SLC9C1: variants seen among roughly 807,000 people sequenced by gnomAD.
The protein encoded by SLC9C1 is sodium/hydrogen exchanger 10.
SLC9C1 carries 97 observed loss-of-function variants against 140.9 expected under a neutral mutation model. The observed-to-expected ratio is 0.69, with a 90% confidence interval of 0.58 to 0.82. The LOEUF is 0.82. Among genes scored for constraint, SLC9C1 ranks in the 40% least tolerant of loss-of-function variants. SLC9C1 has a pLI of 0.00. For synonymous variants in SLC9C1, 440 were observed against 442.6 expected (o/e 0.99, Z 0.07); for missense variants, 1,340 against 1,389.3 (o/e 0.96, Z 0.56).
chr3:112,235,539 C>A (rs2078959932), intron 12 of SLC9C1, among the ~76,000 whole-genome samples: 1 of 150,314 alleles, frequency 6.7e-6, no homozygotes, highest in Non-Finnish European at 1.5e-5. Context: ...GAGAGGGCAT[C>A]TCTGTCTTGT....
chr3:112,168,322 T>TACAC (rs56965031), intron 25 of SLC9C1, among the ~76,000 whole-genome samples: 449 of 133,820 alleles, frequency 3.4e-3, no homozygotes, highest in Middle Eastern at 7.4e-3. Flanking sequence ...CACAAAACAA[T>TACAC]ACACACACAC....
At chr3:112,159,872 A>C (rs2075240788) in intron 26 of SLC9C1, among the ~76,000 whole-genome samples, 1 of 152,002 alleles carries the variant, frequency 6.6e-6, no homozygotes, top group East Asian at 1.9e-4. Flanking sequence ...ATCTGATATA[A>C]GTTTAGCTAC....
At chr3:112,193,070 T>A (rs2077696866) in intron 20 of SLC9C1, among the ~76,000 whole-genome samples, 2 of 151,952 alleles carry the variant, frequency 1.3e-5, no homozygotes, top group South Asian at 4.2e-4. Flanking sequence ...AGTAGTGTAG[T>A]CTCCATGTAG....
At chr3:112,267,456 G>A (rs2079950773) in intron 7 of SLC9C1, among the ~76,000 whole-genome samples, 2 of 151,022 alleles carry the variant, frequency 1.3e-5, no homozygotes, top group Non-Finnish European at 3.0e-5. Flanking sequence ...GGCACCTGTA[G>A]TCCCAGTTAC....
In SLC9C1 at chr3:112,202,290, G is replaced by A. The variant is rs559624530; in HGVS notation, c.2282C>T (p.Thr761Ile). 7 of 1,611,284 alleles carry A rather than the reference G, an allele frequency of 4.3e-6. No homozygotes were observed. The highest frequency in any genetic ancestry group is 4.0e-5 in the African/African-American group (3 of 74,872). The part of the protein sequence containing the change: ...GYVQGEADIM[T>I]IIDQITSSKQ... ...AGAACTTGTAATCTGATCAATTATG[G>A]TCATTATGTCTGCTTCGCCTTGGAC... The change falls in exon 18 of 29, where the codon ACC becomes ATC. Residue 761 changes from threonine (T) to isoleucine (I), a missense_variant. Thr to Ile is a moderately conservative substitution (Grantham distance 89, BLOSUM62 -1). Transcript: ENST00000305815.
chr3:112,270,373 GT>G (rs2080038368), intron 6 of SLC9C1, among the ~76,000 whole-genome samples: 1 of 152,132 alleles, frequency 6.6e-6, no homozygotes, highest in African/African-American at 2.4e-5. Context: ...GTGTACAAGA[GT>G]TTCCTTTTCT....
At chr3:112,161,156 G>C (rs1039412979) in intron 26 of SLC9C1, among the ~76,000 whole-genome samples, 2 of 152,150 alleles carry the variant, frequency 1.3e-5, no homozygotes, top group South Asian at 4.1e-4. Flanking sequence ...GTTCATTGTA[G>C]ATTCTGGATA....
Position 112,185,608 on chromosome 3 carries a change from C to T in SLC9C1, c.2524-3350G>A, listed in dbSNP as rs992883005. On this transcript the variant is annotated intron_variant, in intron 20 of 28. Transcript: ENST00000305815. ...GGTCCCAGGGCTCGCCCGAAGCCCT[C>T]TCTCCCAAGGGGCAGGCTCCTGACC... The T allele has an allele frequency of 3.1e-6, 5 of 1,596,202 alleles. No homozygotes were observed. In the East Asian group the frequency reaches 1.1e-4, roughly 36 times the overall value.
At chr3:112,244,304 G>T (rs922182888) in intron 10 of SLC9C1, among the ~76,000 whole-genome samples, 2 of 152,140 alleles carry the variant, frequency 1.3e-5, no homozygotes, top group African/African-American at 4.8e-5. Flanking sequence ...CCGAAATTAG[G>T]ACACAAGTTT....
rs781166825 is a variant in SLC9C1 at position 112,180,682 on chromosome 3, A to G, written c.2650-20T>C. 1.5e-5 allele frequency: 23 copies of G among 1,553,212 alleles called. No individual in the cohort carries two copies. The Admixed American group carries it at 3.7e-4, about 25-fold the overall frequency. On this transcript the variant is annotated intron_variant, in intron 21 of 28. Coordinates refer to ENST00000305815, the MANE Select transcript of SLC9C1 (RefSeq NM_183061.3). ...TTTTTCCTAAAAGATACCACCAAAT[A>G]CATAAACTATAAACAACATTTTAGA...
intron 10 of SLC9C1, among the ~76,000 whole-genome samples, chr3:112,262,468 C>G (rs967171462): frequency 6.6e-6 from 1 of 151,584 alleles, no homozygotes; most frequent in African/African-American, 2.4e-5. Context: ...CTTGCCCAGA[C>G]ACATGGTAGA....
intron 17 of SLC9C1, 67 bp from the exon 18 acceptor site, chr3:112,202,466 T>C: frequency 2.1e-6 from 3 of 1,429,262 alleles, no homozygotes; most frequent in Non-Finnish European, 2.8e-6. Context: ...GTTGATTAGT[T>C]TAATCAAAAT....
intron 11 of SLC9C1, among the ~76,000 whole-genome samples, chr3:112,241,342 A>G (rs2079133679): frequency 9.2e-6 from 1 of 109,046 alleles, no homozygotes; most frequent in Non-Finnish European, 2.1e-5. Context: ...AATAAAAAAG[A>G]AGAAAATAGC....
intron 12 of SLC9C1, among the ~76,000 whole-genome samples, chr3:112,239,338 C>T (rs902928253): frequency 1.3e-5 from 2 of 152,204 alleles, no homozygotes; most frequent in East Asian, 1.9e-4. Context: ...ACCCAATTTT[C>T]GAGGTGCCAT....
At chr3:112,261,242 A>T (rs1576469498) in intron 10 of SLC9C1, among the ~76,000 whole-genome samples, 1 of 152,140 alleles carries the variant, frequency 6.6e-6, no homozygotes, top group East Asian at 1.9e-4. Context: ...ATCATAGTAA[A>T]GACTAGAATT....
intron 16 of SLC9C1, among the ~76,000 whole-genome samples, chr3:112,207,615 C>G (rs1191022005): frequency 6.6e-6 from 1 of 152,140 alleles, no homozygotes; most frequent in African/African-American, 2.4e-5. Context: ...CTTAATGTGT[C>G]ATGGTGTTGT....
At chr3:112,275,296 A>G (rs1401395291) in intron 5 of SLC9C1, among the ~76,000 whole-genome samples, 1 of 152,192 alleles carries the variant, frequency 6.6e-6, no homozygotes, top group Non-Finnish European at 1.5e-5. Context: ...GTTGTTCTAT[A>G]TAAATACATG....
chr3:112,271,344 A>G lies in SLC9C1; in HGVS notation c.614-1267T>C, dbSNP rs983081949. Reference sequence around the variant, plus strand: ...TTCAAATCTCTCATCATAAAAAATTATAGTTAAATGAGGTGACGTTAATTA... The same window carrying G: ...TTCAAATCTCTCATCATAAAAAATTGTAGTTAAATGAGGTGACGTTAATTA... On this transcript the variant is annotated intron_variant, in intron 6 of 28. Transcript: ENST00000305815. 4.8e-5 allele frequency among the ~76,000 whole-genome samples: 7 copies of G among 146,764 alleles called. No homozygotes were observed. In the South Asian group the frequency reaches 1.5e-3, roughly 32 times the overall value.
chr3:112,227,072 C>T (rs1022550175), intron 13 of SLC9C1, among the ~76,000 whole-genome samples: 1 of 151,878 alleles, frequency 6.6e-6, no homozygotes, highest in African/African-American at 2.4e-5. Flanking sequence ...AATTGGAAAA[C>T]CTGGGGGGAA....
Sources: allele counts gnomAD v4.1 joint callset (sites outside exome capture counted in the v4.1 genomes callset), GRCh38; gene constraint gnomAD v4.1.1; transcripts MANE v1.5; gene names NCBI Gene and HGNC (gene_info 2026-07-23, HGNC 2026-07-21).